The following LMAN1 variants were observed in gnomAD, a reference collection of about 807,000 sequenced individuals.
LMAN1 encodes protein ERGIC-53.
A neutral mutation model predicts 67.8 loss-of-function variants in LMAN1; 32 were observed. The ratio of observed to expected loss-of-function variants is 0.47; its 90% CI spans 0.36 to 0.63. The LOEUF (loss-of-function observed/expected upper bound fraction) is 0.63, where lower values mean the gene tolerates loss of function less well. Ranked by LOEUF, LMAN1 falls within the 30% of genes least tolerant of loss-of-function variation. The pLI, the probability that LMAN1 is intolerant of heterozygous loss-of-function variation, is 0.00. For missense variants in LMAN1, 632 were observed against 628.2 expected (o/e 1.01, Z -0.06); for synonymous variants, 235 against 219.3 (o/e 1.07, Z -0.63).
chr18:59,341,980 T>C (rs2144218569), intron 8 of LMAN1, among the ~76,000 whole-genome samples: 1 of 151,570 alleles, frequency 6.6e-6, no homozygotes, highest in South Asian at 2.1e-4. Flanking sequence ...ATAAACACAA[T>C]CAGAAAAGAA....
chr18:59,358,944 A>G (rs1908728701), intron 1 of LMAN1, 87 bp downstream of exon 1: 1 of 1,363,906 alleles, frequency 7.3e-7, no homozygotes, highest in Non-Finnish European at 1.0e-6. Context: ...CGGGAACCTC[A>G]GCACACCAGG....
At chr18:59,331,313 T>C (rs535460168) in intron 12 of LMAN1, 105 bp downstream of exon 12, 1 of 1,248,160 alleles carries the variant, frequency 8.0e-7, no homozygotes, top group African/African-American at 1.5e-5. Flanking sequence ...AAACTTAATT[T>C]TATAGGTGGT....
At chr18:59,333,368 AAAGT>A in intron 10 of LMAN1, 124 bp from the exon 11 acceptor site, 1 of 722,006 alleles carries the variant, frequency 1.4e-6, no homozygotes, top group African/African-American at 1.8e-5. Flanking sequence ...AAAAACAGGT[AAAGT>A]ATCTTTAAAA....
In LMAN1 at chr18:59,345,959, CTCTTTT is replaced by C. The variant is rs772828067; in HGVS notation, c.909_914del (p.Lys304_Glu305del). 1 of 1,613,828 alleles carries C rather than the reference CTCTTTT, an allele frequency of 6.2e-7. No individual in the cohort carries two copies. Among genetic ancestry groups the C allele is most frequent in the East Asian group, 2.2e-5 (1 of 44,894 alleles). On this transcript the variant is annotated inframe_deletion, in exon 8 of 13. Transcript: ENST00000251047. ...GGTCGGGGTGGCCCTTCTGGAATTC[CTCTTTT>C]TTTTTATCCAATTCTTGTTGAAAGT...
intron 8 of LMAN1, among the ~76,000 whole-genome samples, chr18:59,344,123 T>C (rs1044714192): frequency 2.0e-5 from 3 of 152,168 alleles, no homozygotes; most frequent in Non-Finnish European, 4.4e-5. Context: ...ATGGCCATTA[T>C]TAAAAAGTCA....
chr18:59,352,723 A>G (rs931086216), intron 5 of LMAN1: 1 of 184,278 alleles, frequency 5.4e-6, no homozygotes, highest in Admixed American at 5.4e-5. Flanking sequence ...GCCCTTCCCC[A>G]CCTCCACCTG....
chr18:59,350,610 T>C (rs1230530794), intron 5 of LMAN1, among the ~76,000 whole-genome samples: 2 of 152,160 alleles, frequency 1.3e-5, no homozygotes, highest in Admixed American at 1.3e-4. Context: ...TTCTCCTGCC[T>C]CAGCCTCCCG....
At chr18:59,354,671 G>C in intron 3 of LMAN1, 91 bp from the exon 4 acceptor site, 1 of 660,448 alleles carries the variant, frequency 1.5e-6, no homozygotes, top group Middle Eastern at 3.6e-4. Context: ...ACATATCTAA[G>C]ATTCTAGGAC....
In LMAN1 at chr18:59,349,156, T is replaced by C. The variant is rs762741899; in HGVS notation, c.720A>G (p.Ala240=). 2.5e-6 allele frequency: 4 copies of C among 1,614,030 alleles called. No homozygotes were observed. The Admixed American group carries it at 6.7e-5, about 27-fold the overall frequency. Residue 240 remains alanine, a synonymous_variant, in exon 6 of 13, where the codon GCA becomes GCG. Coordinates refer to ENST00000251047, the MANE Select transcript of LMAN1 (RefSeq NM_005570.4). ...CAGCAGATATTCCAAAATGCCCTTG[T>C]GCAGGGATAATCATATTTTCCACTT... ...CAKVENMIIP[A]QGHFGISAAT... is the part of the protein sequence containing the mutation.
intron 8 of LMAN1, among the ~76,000 whole-genome samples, chr18:59,342,391 C>T (rs527582556): frequency 4.8e-4 from 73 of 152,160 alleles, no homozygotes; most frequent in African/African-American, 1.5e-3. Context: ...ACCCATATCC[C>T]TGATGAACAA....
Position 59,331,079 on chromosome 18 carries a change from C to T in LMAN1, c.*14G>A. On this transcript the variant is annotated 3_prime_UTR_variant, in exon 13 of 13. Coordinates refer to ENST00000251047, the MANE Select transcript of LMAN1 (RefSeq NM_005570.4). The stretch of plus-strand genomic sequence containing the variant: ...TTTGTACACAAATAGATGAAGTACA[C>T]AGGAAAATGGTAGTCAAAAGAATTT... The T allele has an allele frequency of 6.3e-7, 1 of 1,595,128 alleles. No homozygotes were observed. Among genetic ancestry groups the T allele is most frequent in the Non-Finnish European group, 8.6e-7 (1 of 1,163,618 alleles).
In LMAN1 at chr18:59,349,197, A is replaced by C; in HGVS notation, c.679T>G (p.Tyr227Asp). The change falls in exon 6 of 13, where the codon TAT (tyrosine) becomes GAT (aspartate). Residue 227 changes from tyrosine to aspartate, a missense_variant. Coordinates refer to ENST00000251047, the MANE Select transcript of LMAN1 (RefSeq NM_005570.4). The part of the protein sequence containing the change: ...NNGFTPDKND[Y>D]EFCAKVENMI... ...TTTTCCACTTTGGCACAAAATTCATAATCATTTTTATCTGGTGTAAAGCCA... is the reference window on the plus strand; with the variant it reads ...TTTTCCACTTTGGCACAAAATTCATCATCATTTTTATCTGGTGTAAAGCCA... The C allele has an allele frequency of 6.2e-7, 1 of 1,613,600 alleles. No homozygotes were observed. Among genetic ancestry groups the C allele is most frequent in the Non-Finnish European group, 8.5e-7 (1 of 1,179,526 alleles).
intron 5 of LMAN1, among the ~76,000 whole-genome samples, chr18:59,349,440 G>C (rs565310567): frequency 8.7e-4 from 132 of 152,216 alleles, no homozygotes; most frequent in Admixed American, 1.3e-3. Context: ...AGTTTAAAGA[G>C]AGAAAAATCT....
At chr18:59,346,236 T>TTA (rs1555672076) in intron 7 of LMAN1, among the ~76,000 whole-genome samples, 185 bp from the exon 8 acceptor site, 21 of 102,644 alleles carry the variant, frequency 2.0e-4, no homozygotes, top group South Asian at 3.2e-4. Context: ...TTTTTTTTTT[T>TTA]AGAGACAAGA....
rs1417896169 is a variant in LMAN1, at chr18:59,333,196, A to G, written c.1269T>C (p.Pro423=). ...TVRLVSGMQH[P]GSAGGVYETT... Reference sequence around the variant, plus strand: ...TCTCATAGACGCCTCCAGCAGAGCCAGGGTGCTGCATTCCACTGACCAGTC... The same window carrying G: ...TCTCATAGACGCCTCCAGCAGAGCCGGGGTGCTGCATTCCACTGACCAGTC... The change falls in exon 11 of 13, where the codon CCT becomes CCC. Residue 423 remains proline, a synonymous_variant. Transcript: ENST00000251047. 2.5e-6 allele frequency: 4 copies of G among 1,613,640 alleles called. No homozygotes were observed. Among genetic ancestry groups the G allele is most frequent in the Admixed American group, 3.3e-5 (2 of 59,974 alleles).
chr18:59,354,777 C>A (rs1022667359), intron 3 of LMAN1, among the ~76,000 whole-genome samples, 197 bp from the exon 4 acceptor site: 6 of 152,112 alleles, frequency 3.9e-5, no homozygotes. Flanking sequence ...AGAGAAACAA[C>A]CAGCTGATGG....
intron 1 of LMAN1, among the ~76,000 whole-genome samples, chr18:59,357,963 T>TA (rs150790005): frequency 0.1 from 10,222 of 102,442 alleles, 539 homozygotes; most frequent in East Asian, 0.24. Flanking sequence ...AACCTTATAG[T>TA]AAAAAAAAAA....
rs1289994754 is a variant in LMAN1, at chr18:59,329,854, AAG to A, written c.*1237_*1238del. ...CAACCATTTTAGCTAAAAGAAGTAA[AAG>A]AGTATTTTGAAGGCAGCAAAAATCA... On this transcript the variant is annotated 3_prime_UTR_variant, in exon 13 of 13. Transcript: ENST00000251047. The A allele has an allele frequency of 6.6e-6, 1 of 152,178 alleles. No individual in the cohort carries two copies. The highest frequency in any genetic ancestry group is 1.5e-5 in the Non-Finnish European group (1 of 67,998). 9.4% of individuals were successfully genotyped at this position (152,178 alleles called of 1,614,324 possible). A position where few individuals can be genotyped will look rare whatever the true frequency, so the allele number is the denominator to read the frequency against.
At chr18:59,350,720 C>T (rs1462802165) in intron 5 of LMAN1, among the ~76,000 whole-genome samples, 4 of 152,064 alleles carry the variant, frequency 2.6e-5, no homozygotes, top group Middle Eastern at 3.2e-3. Flanking sequence ...TGGTCTTGAT[C>T]TCCTGACCTC....
Sources: gnomAD v4.1 joint callset for allele counts (sites outside exome capture counted in the v4.1 genomes callset) on GRCh38, gnomAD v4.1.1 for gene constraint, MANE v1.5 for transcripts, NCBI Gene and HGNC (gene_info 2026-07-23, HGNC 2026-07-21) for gene names.